Variants in INVS observed in about 807,000 individuals in gnomAD.
INVS encodes inversin.
A neutral mutation model predicts 108.8 loss-of-function variants in INVS; 86 were observed. That is an observed-to-expected ratio of 0.79 (90% CI 0.66 to 0.95). INVS has a LOEUF of 0.95. INVS is among the 40% of genes least tolerant of loss of function. The probability of loss-of-function intolerance (pLI) is 0.00; values close to 1 mark genes in which losing one functional copy is unlikely to be tolerated. For missense variants in INVS, 1,169 were observed against 1,297.4 expected, an observed-to-expected ratio of 0.90 and a Z score of 1.52; for synonymous variants, 455 against 473.5, an observed-to-expected ratio of 0.96 and a Z score of 0.51.
At chr9:100,126,328 CTTATA>C (rs1489672210) in intron 2 of INVS, 50 bp from the exon 3 acceptor site, 3 of 1,356,220 alleles carry the variant, frequency 2.2e-6, no homozygotes, top group Non-Finnish European at 3.1e-6. Flanking sequence ...ATAGTTCCTA[CTTATA>C]TTAGTAATAA....
intron 3 of INVS, among the ~76,000 whole-genome samples, chr9:100,127,922 A>G (rs1480787793): frequency 1.3e-5 from 2 of 152,204 alleles, no homozygotes; most frequent in East Asian, 3.8e-4. Flanking sequence ...ACTTGTTATC[A>G]TAAAAAAGCA....
At chr9:100,225,701 A>C (rs1831293883) in intron 3 of INVS, among the ~76,000 whole-genome samples, 1 of 152,142 alleles carries the variant, frequency 6.6e-6, no homozygotes, top group Admixed American at 6.5e-5. Flanking sequence ...TCTTGTGAAA[A>C]AATTAAGAAA....
intron 3 of INVS, chr9:100,175,807 T>C: frequency 1.5e-6 from 1 of 668,528 alleles, no homozygotes. Flanking sequence ...TCCTGAACAC[T>C]CAGACCTGGT....
At chr9:100,211,483 C>G (rs990151388) in intron 3 of INVS, among the ~76,000 whole-genome samples, 13 of 152,178 alleles carry the variant, frequency 8.5e-5, no homozygotes, top group African/African-American at 2.4e-4. Flanking sequence ...TCAAGAATAC[C>G]TTTCCATAAT....
intron 3 of INVS, among the ~76,000 whole-genome samples, chr9:100,188,441 A>G (rs187636714): frequency 3.9e-5 from 6 of 152,200 alleles, no homozygotes; most frequent in Admixed American, 1.3e-4. Flanking sequence ...AGATGATTGT[A>G]TGTTTTTTAT....
intron 2 of INVS, among the ~76,000 whole-genome samples, chr9:100,116,346 C>A (rs1827527172): frequency 6.6e-6 from 1 of 151,920 alleles, no homozygotes; most frequent in African/African-American, 2.4e-5. Context: ...TAGACTCAAG[C>A]AATCTACCTG....
At chr9:100,271,300 G>A (rs1013562446) in intron 11 of INVS, among the ~76,000 whole-genome samples, 1 of 152,176 alleles carries the variant, frequency 6.6e-6, no homozygotes, top group Non-Finnish European at 1.5e-5. Flanking sequence ...ACATCCTGGA[G>A]ATTGTTTCTT....
intron 3 of INVS, among the ~76,000 whole-genome samples, chr9:100,151,325 A>T (rs1828800662): frequency 6.6e-6 from 1 of 152,096 alleles, no homozygotes; most frequent in South Asian, 2.1e-4. Flanking sequence ...AAAAATTTTT[A>T]AAAATTCGCC....
chr9:100,193,845 T>G (rs1830294927), intron 3 of INVS, among the ~76,000 whole-genome samples: 2 of 152,200 alleles, frequency 1.3e-5, no homozygotes, highest in Admixed American at 1.3e-4. Context: ...GCTCCTGGTC[T>G]CAAGTGATCC....
intron 3 of INVS, among the ~76,000 whole-genome samples, chr9:100,154,422 C>G (rs1431867648): frequency 1.4e-5 from 2 of 147,286 alleles, no homozygotes; most frequent in East Asian, 4.0e-4. Flanking sequence ...AGCCATCTGC[C>G]CTCTTCAGCC....
At chr9:100,131,294 T>G (rs964038041) in intron 3 of INVS, among the ~76,000 whole-genome samples, 1 of 152,184 alleles carries the variant, frequency 6.6e-6, no homozygotes, top group Non-Finnish European at 1.5e-5. Flanking sequence ...ATACGAGACC[T>G]TTTGTTTATT....
chr9:100,236,998 G>A (rs1831707247), intron 5 of INVS, among the ~76,000 whole-genome samples: 1 of 152,216 alleles, frequency 6.6e-6, no homozygotes, highest in African/African-American at 2.4e-5. Context: ...AGGGAGATGG[G>A]AGTTTTATCT....
chr9:100,202,067 G>A (rs548240884), intron 3 of INVS, among the ~76,000 whole-genome samples: 68 of 151,084 alleles, frequency 4.5e-4, no homozygotes, highest in African/African-American at 1.6e-3. Flanking sequence ...TTCTGACTGG[G>A]TGTTGAAAAG....
intron 3 of INVS, among the ~76,000 whole-genome samples, chr9:100,205,122 A>T (rs1263859716): frequency 1.3e-5 from 2 of 152,180 alleles, no homozygotes; most frequent in Non-Finnish European, 2.9e-5. Flanking sequence ...CTGAAAATAA[A>T]CATGTATCAT....
intron 1 of INVS, chr9:100,101,431 A>G (rs1266337290): frequency 6.6e-6 from 1 of 152,066 alleles, no homozygotes; most frequent in African/African-American, 2.4e-5. Context: ...CTCTCAAATA[A>G]CCTTAATATA....
At chr9:100,209,382 G>A (rs1564159269) in intron 3 of INVS, among the ~76,000 whole-genome samples, 6 of 152,198 alleles carry the variant, frequency 3.9e-5, no homozygotes, top group Admixed American at 2.6e-4. Flanking sequence ...TTTTTCATGT[G>A]GGAGGAAACA....
rs1833660026 is a variant in INVS, at chr9:100,292,693, C to T, written c.2436C>T (p.Gly812=). The change falls in exon 14 of 17, where the codon GGC becomes GGT. Residue 812 remains glycine (G), a synonymous_variant. Transcript: ENST00000262457. The part of the protein sequence containing the change: ...RCSPAGSSRP[G]SARGEAVHAG... ...CTCCGGCTGGTTCTAGCCGCCCTGG[C>T]AGTGCCCGGGGGGAGGCGGTCCATG... The T allele has an allele frequency of 2.5e-6, 4 of 1,614,060 alleles. No homozygotes were observed. The highest frequency in any genetic ancestry group is 3.4e-6 in the Non-Finnish European group (4 of 1,180,040).
chr9:100,172,930 AC>A lies in INVS; in HGVS notation c.273+46382del, dbSNP rs1278536308. Among the ~76,000 whole-genome samples, 3 of 152,138 alleles carry A rather than the reference AC, an allele frequency of 2.0e-5. No individual in the cohort carries two copies. The East Asian group carries it at 5.8e-4, about 29-fold the overall frequency. ...AGTGATAATCACTAGATTTGAAATCACTAGATACCAAGTCCCAGGTTATAAT... is the reference window on the plus strand; with the variant it reads ...AGTGATAATCACTAGATTTGAAATCATAGATACCAAGTCCCAGGTTATAAT... On this transcript the variant is annotated intron_variant, in intron 3 of 16. Transcript: ENST00000262457.
chr9:100,208,559 G>A (rs1588089503), intron 3 of INVS, among the ~76,000 whole-genome samples: 3 of 152,154 alleles, frequency 2.0e-5, no homozygotes, highest in African/African-American at 7.2e-5. Context: ...ACACATCTTC[G>A]CAGAGTAGGT....
Sources: gnomAD v4.1 joint callset for allele counts (sites outside exome capture counted in the v4.1 genomes callset) on GRCh38, gnomAD v4.1.1 for gene constraint, MANE v1.5 for transcripts, NCBI Gene and HGNC (gene_info 2026-07-23, HGNC 2026-07-21) for gene names.